PINX1: variants seen among roughly 807,000 people sequenced by gnomAD.
PINX1 encodes the protein PIN2/TERF1-interacting telomerase inhibitor 1.
A neutral mutation model predicts 25.4 loss-of-function variants in PINX1; 34 were observed. The observed-to-expected ratio is 1.34, with a 90% CI of 1.02 to 1.78. The LOEUF (loss-of-function observed/expected upper bound fraction) is 1.78, where lower values mean the gene tolerates loss of function less well. PINX1 is among the 40% of genes most tolerant of loss of function. PINX1 has a pLI of 0.00. For synonymous variants in PINX1, 197 were observed against 147.7 expected, an observed-to-expected ratio of 1.33 and a Z score of -2.42; for missense variants, 592 against 404.9, an observed-to-expected ratio of 1.46 and a Z score of -3.97.
intron 1 of PINX1, among the ~76,000 whole-genome samples, chr8:10,836,446 T>C (rs1438462791): frequency 6.6e-6 from 1 of 152,234 alleles, no homozygotes; most frequent in Non-Finnish European, 1.5e-5. Flanking sequence ...TCAGAGTTCA[T>C]GTGTCTATGC....
At chr8:10,769,669 G>A (rs6994595) in intron 6 of PINX1, among the ~76,000 whole-genome samples, 36,570 of 152,076 alleles carry the variant, frequency 0.24, 4,495 homozygotes, top group East Asian at 0.33. Context: ...GAGGAGAGGC[G>A]TCCTCTCCAC....
chr8:10,791,212 A>C (rs1264429962), intron 6 of PINX1, among the ~76,000 whole-genome samples: 1 of 152,180 alleles, frequency 6.6e-6, no homozygotes, highest in Non-Finnish European at 1.5e-5. Context: ...ATGCCCAGCC[A>C]AAATCCCCCC....
intron 5 of PINX1, among the ~76,000 whole-genome samples, chr8:10,824,690 T>G (rs1390045478): frequency 6.6e-6 from 1 of 152,226 alleles, no homozygotes. Flanking sequence ...AAATCATGCA[T>G]GCAGTCTGGC....
At chr8:10,786,119 T>A (rs116661820) in intron 6 of PINX1, among the ~76,000 whole-genome samples, 2 of 152,336 alleles carry the variant, frequency 1.3e-5, no homozygotes, top group African/African-American at 4.8e-5. Context: ...TTTTCACATT[T>A]TCATCGATTC....
chr8:10,769,603 C>T (rs1186117904), intron 6 of PINX1, among the ~76,000 whole-genome samples: 2 of 152,224 alleles, frequency 1.3e-5, no homozygotes, highest in African/African-American at 2.4e-5. Flanking sequence ...CAGCTATCAC[C>T]ACCGTGCCAG....
intron 6 of PINX1, among the ~76,000 whole-genome samples, chr8:10,796,499 G>C (rs189660325): frequency 3.9e-5 from 6 of 152,186 alleles, no homozygotes; most frequent in Admixed American, 3.9e-4. Flanking sequence ...TCTATGAGAG[G>C]AGGACTGAGC....
chr8:10,825,337 C>T (rs1798002226), intron 5 of PINX1: 2 of 534,594 alleles, frequency 3.7e-6, no homozygotes, highest in Non-Finnish European at 3.8e-6. Flanking sequence ...ACACATCCAA[C>T]CTCCCAGGAA....
intron 6 of PINX1, among the ~76,000 whole-genome samples, chr8:10,771,761 A>C (rs1160540294): frequency 6.6e-6 from 1 of 152,198 alleles, no homozygotes; most frequent in African/African-American, 2.4e-5. Context: ...TGGGAGGGTA[A>C]GAAGAGAATC....
At chr8:10,809,082 T>C (rs1283888307) in intron 6 of PINX1, among the ~76,000 whole-genome samples, 8 of 152,238 alleles carry the variant, frequency 5.3e-5, no homozygotes, top group South Asian at 4.1e-4. Flanking sequence ...ACATTTTTCA[T>C]TGTGAGGTAT....
intron 6 of PINX1, among the ~76,000 whole-genome samples, chr8:10,779,543 T>C (rs1801516922): frequency 6.6e-6 from 1 of 152,080 alleles, no homozygotes; most frequent in African/African-American, 2.4e-5. Context: ...CCTCTGAATC[T>C]CTCTCTCTCT....
At position 10,765,234 on chromosome 8, in the gene PINX1, A is replaced by C. The variant is rs187805108; in HGVS notation, c.*167T>G. ...ATTAAAAAGGTCCTCCTGGGAATGT[A>C]ACTTGGGGGAAATGTGGCGAGAGGG... On this transcript the variant is annotated 3_prime_UTR_variant, in exon 7 of 7. Transcript: ENST00000314787. 2.1e-3 allele frequency: 1,211 copies of C among 589,630 alleles called. 17 individuals carry two copies. The East Asian group carries it at 0.032, about 16-fold the overall frequency. 36.5% of individuals were successfully genotyped at this position (589,630 alleles called of 1,614,324 possible).
At chr8:10,834,882 A>T in intron 1 of PINX1, 107 bp from the exon 2 acceptor site, 4 of 705,146 alleles carry the variant, frequency 5.7e-6, no homozygotes, top group Non-Finnish European at 9.6e-6. Context: ...TATGTAAAAT[A>T]TGACATACAT....
At chr8:10,822,793 G>A (rs965774609) in intron 5 of PINX1, among the ~76,000 whole-genome samples, 1 of 152,106 alleles carries the variant, frequency 6.6e-6, no homozygotes, top group African/African-American at 2.4e-5. Context: ...CCAACTCTAT[G>A]GAAAAGCAGA....
At chr8:10,828,767 C>T (rs535031485) in intron 4 of PINX1, among the ~76,000 whole-genome samples, 4 of 152,258 alleles carry the variant, frequency 2.6e-5, no homozygotes, top group African/African-American at 9.6e-5. Flanking sequence ...CGTCCTTTCC[C>T]GGGTATCCCC....
rs1251730519 is a variant in PINX1, at chr8:10,820,259, C to T, written c.405G>A (p.Leu135=). 1 of 1,610,092 alleles carries T rather than the reference C, an allele frequency of 6.2e-7. No homozygotes were observed. Among genetic ancestry groups the T allele is most frequent in the Non-Finnish European group, 8.5e-7 (1 of 1,176,658 alleles). The change falls in exon 6 of 7, where the codon CTG becomes CTA. Residue 135 remains leucine, a synonymous_variant. Coordinates refer to ENST00000314787, the MANE Select transcript of PINX1 (RefSeq NM_017884.6). ...HYMKFTKGKD[L]SSRSKTDLDC... is the part of the protein sequence containing the mutation. ...CAAGATCTGTTTTGCTCCGAGATGA[C>T]AGATCCTTCCCTAGAAAAACAATGT...
intron 6 of PINX1, among the ~76,000 whole-genome samples, chr8:10,802,801 A>G (rs1037678476): frequency 6.6e-6 from 1 of 152,230 alleles, no homozygotes; most frequent in South Asian, 2.1e-4. Context: ...ATATTCCAGT[A>G]AAGAACCAAG....
At position 10,765,555 on chromosome 8, in the gene PINX1, C is replaced by A. The variant is rs757948941; in HGVS notation, c.833G>T (p.Gly278Val). 6.2e-7 allele frequency: 1 copy of A among 1,613,788 alleles called. No individual in the cohort carries two copies. Among genetic ancestry groups the A allele is most frequent in the Non-Finnish European group, 8.5e-7 (1 of 1,179,896 alleles). ...GCCCTCAGGCGGCTGCACATGGTCC[C>A]CTGCATCCTGAGCAGAGGCCTTGGA... ...QSSKASAQDA[G>V]DHVQPPEGRD... Residue 278 changes from glycine (G) to valine (V), a missense_variant, in exon 7 of 7, where the codon GGG becomes GTG. Transcript: ENST00000314787.
rs1798044871 is a variant in PINX1, at chr8:10,826,388, A to G, written c.302-144T>C. On this transcript the variant is annotated intron_variant, in intron 4 of 6. Coordinates refer to ENST00000314787, the MANE Select transcript of PINX1 (RefSeq NM_017884.6). ...TTTCATTCATTTGCTCTGCAACAGC[A>G]CCCTTCTGCTGGATCTCTGTTTTCT... The G allele has an allele frequency of 2.0e-5, 11 of 548,522 alleles. No homozygotes were observed. In the Admixed American group the frequency reaches 2.9e-4, roughly 15 times the overall value. The allele number at this position is 548,522 out of a possible 1,614,324, so 34.0% of individuals were successfully genotyped here.
At chr8:10,783,259 G>C (rs1335719765) in intron 6 of PINX1, among the ~76,000 whole-genome samples, 1 of 152,088 alleles carries the variant, frequency 6.6e-6, no homozygotes, top group Non-Finnish European at 1.5e-5. Flanking sequence ...TTTTAAAAAA[G>C]AACCTCTTAA....
Sources: gnomAD v4.1 joint callset for allele counts (sites outside exome capture counted in the v4.1 genomes callset) on GRCh38, gnomAD v4.1.1 for gene constraint, MANE v1.5 for transcripts, NCBI Gene and HGNC (gene_info 2026-07-23, HGNC 2026-07-21) for gene names.